Variants in EFCAB6 observed in about 807,000 individuals in gnomAD.
The protein encoded by EFCAB6 is EF-hand calcium-binding domain-containing protein 6.
A neutral mutation model predicts 169.8 loss-of-function variants in EFCAB6; 156 were observed. The ratio of observed to expected loss-of-function variants is 0.92; its 90% CI spans 0.81 to 1.05. EFCAB6 has a LOEUF of 1.05. Ranked by LOEUF, EFCAB6 falls within the 50% of genes least tolerant of loss-of-function variation. EFCAB6 has a pLI of 0.00. For missense variants in EFCAB6, 1,800 were observed against 1,829.1 expected (o/e 0.98, Z 0.29); for synonymous variants, 698 against 676.4 (o/e 1.03, Z -0.50).
chr22:43,613,543 A>T (rs978283227), intron 21 of EFCAB6, among the ~76,000 whole-genome samples: 1 of 152,106 alleles, frequency 6.6e-6, no homozygotes, highest in African/African-American at 2.4e-5. Context: ...TCTCACTTAC[A>T]AGTGGGAGCT....
At chr22:43,582,115 A>T (rs1477030233) in intron 24 of EFCAB6, among the ~76,000 whole-genome samples, 1 of 152,228 alleles carries the variant, frequency 6.6e-6, no homozygotes, top group East Asian at 1.9e-4. Flanking sequence ...CAGAAATCCC[A>T]GTCCTTTTGT....
rs145665426 is a variant in EFCAB6, at chr22:43,528,907, C to T, written c.4452G>A (p.Lys1484=). The change falls in exon 32 of 32, where the codon AAG becomes AAA. Residue 1484 remains lysine, a synonymous_variant. Coordinates refer to ENST00000262726, the MANE Select transcript of EFCAB6 (RefSeq NM_022785.4). ...EFFHILEYYD[K]TLSSKISYND... Reference sequence around the variant, plus strand: ...TGTAGGAGATTTTTGAAGACAGCGTCTTATCGTAATACTCCAGAATATGGA... The same window carrying T: ...TGTAGGAGATTTTTGAAGACAGCGTTTTATCGTAATACTCCAGAATATGGA... The T allele has an allele frequency of 8.1e-6, 13 of 1,611,662 alleles. No individual in the cohort carries two copies. In the South Asian group the frequency reaches 1.4e-4, roughly 18 times the overall value.
At chr22:43,764,387 G>A (rs1169194012) in intron 5 of EFCAB6, among the ~76,000 whole-genome samples, 4 of 152,162 alleles carry the variant, frequency 2.6e-5, no homozygotes, top group Non-Finnish European at 5.9e-5. Context: ...TTTAATGGCT[G>A]CATAGTATTC....
chr22:43,594,296 AAAG>A (rs2051822073), intron 23 of EFCAB6, among the ~76,000 whole-genome samples: 3 of 150,592 alleles, frequency 2.0e-5, no homozygotes, highest in Non-Finnish European at 4.4e-5. Flanking sequence ...AAAAAAAAAA[AAAG>A]AAAAGACATG....
At chr22:43,652,853 C>T (rs1486351248) in intron 17 of EFCAB6, among the ~76,000 whole-genome samples, 3 of 150,578 alleles carry the variant, frequency 2.0e-5, no homozygotes, top group Admixed American at 6.6e-5. Context: ...TAAGAGAATA[C>T]CGGAGTATAT....
At chr22:43,737,241 T>C (rs1226720054) in intron 6 of EFCAB6, among the ~76,000 whole-genome samples, 1 of 151,996 alleles carries the variant, frequency 6.6e-6, no homozygotes, top group East Asian at 1.9e-4. Flanking sequence ...TGGTAATCCC[T>C]CTTTACTGAC....
chr22:43,703,663 T>C (rs1204072643), intron 10 of EFCAB6, among the ~76,000 whole-genome samples: 1 of 151,446 alleles, frequency 6.6e-6, no homozygotes, highest in Non-Finnish European at 1.5e-5. Context: ...TAGAAACAAT[T>C]TTTTTAAAAC....
intron 20 of EFCAB6, among the ~76,000 whole-genome samples, chr22:43,617,939 TAAAAATACA>T (rs1168777475): frequency 6.6e-6 from 1 of 151,420 alleles, no homozygotes; most frequent in Non-Finnish European, 1.5e-5. Context: ...CCGTCTCTAC[TAAAAATACA>T]AAAATCAACT....
At chr22:43,614,005 G>A (rs537465522) in intron 21 of EFCAB6, among the ~76,000 whole-genome samples, 18 of 151,954 alleles carry the variant, frequency 1.2e-4, no homozygotes, top group African/African-American at 3.4e-4. Context: ...GACGAGAAAT[G>A]TTTAATGTTT....
At chr22:43,550,182 C>G (rs1335558187) in intron 27 of EFCAB6, among the ~76,000 whole-genome samples, 1 of 152,046 alleles carries the variant, frequency 6.6e-6, no homozygotes. Flanking sequence ...CTGGAGGAGC[C>G]TGGGGGGTAC....
chr22:43,717,737 C>T lies in EFCAB6; in HGVS notation c.758-765G>A, dbSNP rs192608144. Among the ~76,000 whole-genome samples, 31 of 152,152 alleles carry T rather than the reference C, an allele frequency of 2.0e-4. No homozygotes were observed. The East Asian group carries it at 4.4e-3, about 22-fold the overall frequency. On this transcript the variant is annotated intron_variant, in intron 8 of 31. Coordinates refer to ENST00000262726, the MANE Select transcript of EFCAB6 (RefSeq NM_022785.4). ...CTTGGTACTTGAATATGCTTAAATCCTTTTCTAGAGTTTTGTACTCATGGC... is the reference window on the plus strand; with the variant it reads ...CTTGGTACTTGAATATGCTTAAATCTTTTTCTAGAGTTTTGTACTCATGGC...
chr22:43,731,996 C>T (rs892814895), intron 7 of EFCAB6, among the ~76,000 whole-genome samples, 185 bp from the exon 8 acceptor site: 11 of 152,018 alleles, frequency 7.2e-5, no homozygotes, highest in African/African-American at 1.9e-4. Flanking sequence ...GCAGCTACTT[C>T]GAGATCACTT....
At chr22:43,598,981 G>A (rs1348647297) in intron 23 of EFCAB6, among the ~76,000 whole-genome samples, 1 of 152,136 alleles carries the variant, frequency 6.6e-6, no homozygotes, top group Non-Finnish European at 1.5e-5. Flanking sequence ...AATCATGTAC[G>A]CTCCCACCAT....
intron 13 of EFCAB6, among the ~76,000 whole-genome samples, chr22:43,673,845 A>G (rs188273765): frequency 6.6e-6 from 1 of 152,060 alleles, no homozygotes; most frequent in East Asian, 1.9e-4. Flanking sequence ...CAGTATGTTA[A>G]TAAGTGACAA....
chr22:43,701,416 G>T (rs969680517), intron 10 of EFCAB6, among the ~76,000 whole-genome samples: 13 of 152,136 alleles, frequency 8.5e-5, no homozygotes, highest in Non-Finnish European at 1.6e-4. Flanking sequence ...AAAGTATGAG[G>T]AACTCAATGT....
chr22:43,564,291 T>A (rs1033860214), intron 26 of EFCAB6, among the ~76,000 whole-genome samples: 1 of 150,304 alleles, frequency 6.7e-6, no homozygotes, highest in African/African-American at 2.5e-5. Flanking sequence ...CTACAAAAAA[T>A]ACAAAAATCA....
chr22:43,575,862 T>A (rs1176495237), intron 26 of EFCAB6, among the ~76,000 whole-genome samples: 1 of 152,186 alleles, frequency 6.6e-6, no homozygotes, highest in Non-Finnish European at 1.5e-5. Context: ...TCAACATGAT[T>A]ACACATGTTA....
intron 15 of EFCAB6, among the ~76,000 whole-genome samples, chr22:43,669,922 C>T (rs2057415348): frequency 1.3e-5 from 2 of 152,134 alleles, no homozygotes; most frequent in African/African-American, 4.8e-5. Flanking sequence ...AGAGTCGAGT[C>T]CATCAGAGGC....
chr22:43,628,483 C>A lies in EFCAB6; in HGVS notation c.2233-1804G>T, dbSNP rs538800138. Among the ~76,000 whole-genome samples the A allele has an allele frequency of 6.6e-6, 1 of 152,164 alleles. No homozygotes were observed. The highest frequency in any genetic ancestry group is 2.4e-5 in the African/African-American group (1 of 41,434). ...TCTGCTCTGTGCAATCGCTCCCGAG[C>A]GATCCCTTACAGCTGACGTCATGCA... On this transcript the variant is annotated intron_variant, in intron 19 of 31. Coordinates refer to ENST00000262726, the MANE Select transcript of EFCAB6 (RefSeq NM_022785.4). This position sits in a 1 kb window ranked among gnomAD's most constrained non-coding sequence, Gnocchi z 4.8.
Sources: allele counts gnomAD v4.1 joint callset (sites outside exome capture counted in the v4.1 genomes callset), GRCh38; gene constraint gnomAD v4.1.1; non-coding constraint Gnocchi (gnomAD v3.1); transcripts MANE v1.5; gene names NCBI Gene and HGNC (gene_info 2026-07-23, HGNC 2026-07-21).